PTCHD4: variants seen among roughly 807,000 people sequenced by gnomAD.
PTCHD4 encodes the protein patched domain-containing protein 4.
PTCHD4 carries 33 observed loss-of-function variants against 58.1 expected under a neutral mutation model. That is an observed-to-expected ratio of 0.57 (90% CI 0.43 to 0.76). The LOEUF is 0.76. Ranked by LOEUF, PTCHD4 falls within the 30% of genes least tolerant of loss-of-function variation. The pLI is 0.00. For synonymous variants in PTCHD4, 478 were observed against 409.6 expected, an observed-to-expected ratio of 1.17 and a Z score of -2.02; for missense variants, 1,058 against 1,027.1, an observed-to-expected ratio of 1.03 and a Z score of -0.41.
intron 4 of PTCHD4, among the ~76,000 whole-genome samples, chr6:47,971,091 C>G (rs6458596): frequency 0.7 from 106,724 of 152,016 alleles, 37,547 homozygotes; most frequent in East Asian, 0.83. Flanking sequence ...TACCAGACAC[C>G]AAGGGATCAC....
rs1002370230 is a variant in PTCHD4, at chr6:47,857,553, A to G, written c.*20750T>C. ...TCACAGGTGATATCTACATTTCTTT[A>G]TTGCATTCTGATTTTTTCAATATTG... On this transcript the variant is annotated 3_prime_UTR_variant, in exon 5 of 5. Transcript: ENST00000339488. 6.6e-6 allele frequency among the ~76,000 whole-genome samples: 1 copy of G among 151,966 alleles called. No individual in the cohort carries two copies. Among genetic ancestry groups the G allele is most frequent in the Non-Finnish European group, 1.5e-5 (1 of 67,964 alleles).
intron 4 of PTCHD4, among the ~76,000 whole-genome samples, chr6:47,987,920 T>G (rs920813023): frequency 1.3e-5 from 2 of 152,048 alleles, no homozygotes; most frequent in Non-Finnish European, 2.9e-5. Flanking sequence ...GGACTATAGA[T>G]GTGCATCACC....
At chr6:47,951,109 A>T (rs971260179) in intron 4 of PTCHD4, among the ~76,000 whole-genome samples, 2 of 152,100 alleles carry the variant, frequency 1.3e-5, no homozygotes, top group Non-Finnish European at 1.5e-5. Flanking sequence ...AGTCAAGAGA[A>T]TTTTTTTTAA....
rs566102402 is a variant in PTCHD4 at position 48,046,912 on chromosome 6, A to AAT, written c.417+21316_417+21317dup. Among the ~76,000 whole-genome samples, 39 of 151,924 alleles carry AAT rather than the reference A, an allele frequency of 2.6e-4. No individual in the cohort carries two copies. The East Asian group carries it at 7.6e-3, about 29-fold the overall frequency. On this transcript the variant is annotated intron_variant, in intron 3 of 4. Coordinates refer to ENST00000339488, the MANE Select transcript of PTCHD4 (RefSeq NM_001384253.1). The stretch of plus-strand genomic sequence containing the variant: ...GATCAGGTTATATTCCTAACTTCTA[A>AAT]ATGTTTTCTGAAGAAAACATCATGA...
intron 4 of PTCHD4, among the ~76,000 whole-genome samples, chr6:47,958,368 A>T (rs137875458): frequency 6.6e-6 from 1 of 152,302 alleles, no homozygotes; most frequent in East Asian, 1.9e-4. Flanking sequence ...ACCACACCTA[A>T]AACAACCAAG....
intron 1 of PTCHD4, among the ~76,000 whole-genome samples, chr6:48,109,733 A>G (rs1284919890): frequency 6.6e-6 from 1 of 152,136 alleles, no homozygotes; most frequent in Non-Finnish European, 1.5e-5. Context: ...CCCAAAAAAC[A>G]AAACCACAAA....
chr6:47,869,527 T>A lies in PTCHD4; in HGVS notation c.*8776A>T, dbSNP rs1314688413. ...ATTATTAAGGGGTGTTAAAGTGCTA[T>A]CTGAATCTTTTAGTAATGCTTTAGT... On this transcript the variant is annotated 3_prime_UTR_variant, in exon 5 of 5. Transcript: ENST00000339488. Among the ~76,000 whole-genome samples, 2 of 151,770 alleles carry A rather than the reference T, an allele frequency of 1.3e-5. No individual in the cohort carries two copies. Among genetic ancestry groups the A allele is most frequent in the African/African-American group, 4.8e-5 (2 of 41,398 alleles).
At chr6:48,103,904 A>C (rs1241999718) in intron 1 of PTCHD4, among the ~76,000 whole-genome samples, 2 of 152,208 alleles carry the variant, frequency 1.3e-5, no homozygotes, top group African/African-American at 4.8e-5. Flanking sequence ...TTAGAGGAAA[A>C]AGAATAAAAA....
At position 48,068,288 on chromosome 6, in the gene PTCHD4, T is replaced by C. The variant is rs780191656; in HGVS notation, c.359A>G (p.Asn120Ser). ...RVILLSPTGD[N>S]ILLQAEGILQ... is the part of the protein sequence containing the mutation. ...GATCCCCTCAGCCTGGAGCAAAATA[T>C]TGTCCCCGGTTGGGGAGAGGAGGAT... The change falls in exon 3 of 5, where the codon AAT (asparagine) becomes AGT (serine). Residue 120 changes from asparagine to serine, a missense_variant. Transcript: ENST00000339488. This position sits in a 1 kb window ranked among gnomAD's most constrained non-coding sequence, Gnocchi z 4.2. 1.9e-6 allele frequency: 3 copies of C among 1,610,020 alleles called. No individual in the cohort carries two copies. The highest frequency in any genetic ancestry group is 2.2e-5 in the East Asian group (1 of 44,714).
At chr6:47,901,850 C>T (rs1362708256) in intron 4 of PTCHD4, 1 of 1,300,084 alleles carries the variant, frequency 7.7e-7, no homozygotes, top group Non-Finnish European at 1.0e-6. Flanking sequence ...TTTTTCTCCT[C>T]TCCAGTTTTT....
At chr6:48,085,953 C>A (rs1765255909) in intron 1 of PTCHD4, among the ~76,000 whole-genome samples, 1 of 151,928 alleles carries the variant, frequency 6.6e-6, no homozygotes, top group African/African-American at 2.4e-5. Flanking sequence ...AGAATCCACA[C>A]TCCATTGTAC....
At chr6:48,083,543 A>G (rs1765205250) in intron 1 of PTCHD4, among the ~76,000 whole-genome samples, 1 of 152,166 alleles carries the variant, frequency 6.6e-6, no homozygotes, top group South Asian at 2.1e-4. Context: ...CATTGCAGAT[A>G]TAATTAGGAT....
At chr6:47,935,205 C>A (rs1458392801) in intron 4 of PTCHD4, among the ~76,000 whole-genome samples, 2 of 152,058 alleles carry the variant, frequency 1.3e-5, no homozygotes, top group African/African-American at 4.8e-5. Context: ...TACACTATAT[C>A]CGATTTTGTT....
At chr6:48,081,387 C>T (rs1765164711) in intron 1 of PTCHD4, among the ~76,000 whole-genome samples, 1 of 152,122 alleles carries the variant, frequency 6.6e-6, no homozygotes, top group African/African-American at 2.4e-5. Flanking sequence ...ACAAACAAAT[C>T]TAGGTTCAAA....
chr6:47,969,556 A>G (rs568679417), intron 4 of PTCHD4, among the ~76,000 whole-genome samples: 1 of 152,304 alleles, frequency 6.6e-6, no homozygotes, highest in South Asian at 2.1e-4. Context: ...GAGTAAACTT[A>G]AATATTAAAG....
chr6:48,086,733 CAGACTTATAAAGTTATAAAGTG>C (rs1288555453), intron 1 of PTCHD4, among the ~76,000 whole-genome samples: 1 of 152,080 alleles, frequency 6.6e-6, no homozygotes, highest in African/African-American at 2.4e-5. Context: ...GAAAAAGACT[CAGACTTATAAAGTTATAAAGTG>C]AGTATGTGTA....
In PTCHD4 at chr6:47,907,784, C is replaced by G. The variant is rs145881768; in HGVS notation, c.899-27848G>C. ...GCAAAGGTTGAGCAGGGAGCCTGGA[C>G]TTCCAATTCCACCTGTGGCAAGGTA... On this transcript the variant is annotated intron_variant, in intron 4 of 4. Coordinates refer to ENST00000339488, the MANE Select transcript of PTCHD4 (RefSeq NM_001384253.1). Among the ~76,000 whole-genome samples the G allele has an allele frequency of 8.1e-4, 124 of 152,248 alleles. 1 individual carries two copies. The highest frequency in any genetic ancestry group is 2.8e-3 in the African/African-American group (117 of 41,556).
At chr6:47,903,886 G>T (rs1457956036) in intron 4 of PTCHD4, among the ~76,000 whole-genome samples, 1 of 152,200 alleles carries the variant, frequency 6.6e-6, no homozygotes, top group East Asian at 1.9e-4. Flanking sequence ...GGGCAGCCAA[G>T]AAAGGTCTCA....
chr6:47,921,705 T>C (rs1765437578), intron 4 of PTCHD4, among the ~76,000 whole-genome samples: 1 of 152,114 alleles, frequency 6.6e-6, no homozygotes. Flanking sequence ...ACATCTTCTG[T>C]AGCTGGCTGC....
Sources: allele counts gnomAD v4.1 joint callset (sites outside exome capture counted in the v4.1 genomes callset), GRCh38; gene constraint gnomAD v4.1.1; non-coding constraint Gnocchi (gnomAD v3.1); transcripts MANE v1.5; gene names NCBI Gene and HGNC (gene_info 2026-07-23, HGNC 2026-07-21).